The following GYS2 variants were observed in gnomAD, a reference collection of about 807,000 sequenced individuals.
GYS2 encodes glycogen synthase 2.
A neutral mutation model predicts 85.6 loss-of-function variants in GYS2; 80 were observed. The observed-to-expected ratio is 0.93, with a 90% CI of 0.78 to 1.13. The LOEUF (loss-of-function observed/expected upper bound fraction) is 1.13. GYS2 is among the 50% of genes most tolerant of loss of function. The pLI is 0.00. For synonymous variants in GYS2, 328 were observed against 300.7 expected (o/e 1.09, Z -0.94); for missense variants, 881 against 854.9 (o/e 1.03, Z -0.38).
downstream of GYS2, among the ~76,000 whole-genome samples, chr12:21,536,017 T>G (rs184300169): frequency 6.6e-6 from 1 of 152,176 alleles, no homozygotes; most frequent in East Asian, 1.9e-4. Context: ...TTTAAAAAGA[T>G]AGCTTCTCTA....
Position 21,552,331 on chromosome 12 carries a change from T to C in GYS2, c.1423-5861A>G, listed in dbSNP as rs962907984. 2.6e-5 allele frequency among the ~76,000 whole-genome samples: 4 copies of C among 152,358 alleles called. No homozygotes were observed. The South Asian group carries it at 8.3e-4, about 32-fold the overall frequency. ...GGCTTTCCTCACCACACTACGTAGC[T>C]AAGGCAAAATGATAAATAAATTCAA... On this transcript the variant is annotated intron_variant, in intron 11 of 15. Transcript: ENST00000261195.
At chr12:21,578,184 C>CTT (rs1944467780) in intron 2 of GYS2, among the ~76,000 whole-genome samples, 1 of 152,126 alleles carries the variant, frequency 6.6e-6, no homozygotes, top group African/African-American at 2.4e-5. Flanking sequence ...TCTTTCTCCC[C>CTT]TTTAAGACCT....
At position 21,574,345 on chromosome 12, in the gene GYS2, A is replaced by C; in HGVS notation, c.496-19T>G. On this transcript the variant is annotated intron_variant, in intron 3 of 15. Coordinates refer to ENST00000261195, the MANE Select transcript of GYS2 (RefSeq NM_021957.4). ...CTGTCACCTACATTAGGAAAAAAAAAGCATTCAGAAAAGTTGTTGATGAAG... is the reference window on the plus strand; with the variant it reads ...CTGTCACCTACATTAGGAAAAAAAACGCATTCAGAAAAGTTGTTGATGAAG... 1.2e-6 allele frequency: 2 copies of C among 1,602,350 alleles called. No individual in the cohort carries two copies. The highest frequency in any genetic ancestry group is 1.7e-6 in the Non-Finnish European group (2 of 1,169,462).
chr12:21,575,495 G>A (rs533479350), intron 3 of GYS2, among the ~76,000 whole-genome samples: 1 of 152,040 alleles, frequency 6.6e-6, no homozygotes, highest in South Asian at 2.1e-4. Flanking sequence ...TGTACATCAG[G>A]ATCACCTGGA....
chr12:21,571,631 C>G (rs545664713), intron 4 of GYS2, among the ~76,000 whole-genome samples: 44 of 152,236 alleles, frequency 2.9e-4, no homozygotes, highest in Admixed American at 1.6e-3. Context: ...CCAAACGGCA[C>G]TGTCCTCAGA....
In GYS2 at chr12:21,604,599, T is replaced by C. The variant is rs188755678; in HGVS notation, c.-7A>G. 1.9e-6 allele frequency: 3 copies of C among 1,612,292 alleles called. No individual in the cohort carries two copies. Among genetic ancestry groups the C allele is most frequent in the Non-Finnish European group, 2.5e-6 (3 of 1,178,738 alleles). ...GGGATCGGCCTCGAAGCATTCTTCT[T>C]ACAGTCCTCCGAGACTCCTTTGAAT... On this transcript the variant is annotated 5_prime_UTR_variant, in exon 1 of 16. Transcript: ENST00000261195.
At chr12:21,542,010 G>A (rs566423979) in intron 13 of GYS2, among the ~76,000 whole-genome samples, 39 of 151,872 alleles carry the variant, frequency 2.6e-4, no homozygotes, top group Admixed American at 1.9e-3. Flanking sequence ...CTCCAGCTGC[G>A]TCCATGTTGC....
At chr12:21,582,576 TATAGAG>T (rs879917400) in intron 1 of GYS2, among the ~76,000 whole-genome samples, 19 of 146,272 alleles carry the variant, frequency 1.3e-4, no homozygotes, top group Non-Finnish European at 2.9e-4. Flanking sequence ...TAGATATAGA[TATAGAG>T]ATAGATATAG....
At chr12:21,589,571 G>C (rs1241072246) in intron 1 of GYS2, among the ~76,000 whole-genome samples, 1 of 152,152 alleles carries the variant, frequency 6.6e-6, no homozygotes, top group African/African-American at 2.4e-5. Context: ...GTGACAGGAA[G>C]CATCTAAGGC....
chr12:21,547,249 T>C (rs1043515388), intron 11 of GYS2, among the ~76,000 whole-genome samples: 5 of 152,122 alleles, frequency 3.3e-5, no homozygotes, highest in Non-Finnish European at 5.9e-5. Flanking sequence ...ATACTTAAAT[T>C]TGTTGTAATT....
intron 5 of GYS2, among the ~76,000 whole-genome samples, chr12:21,564,505 C>A (rs1023104508): frequency 4.6e-5 from 7 of 151,942 alleles, no homozygotes; most frequent in Admixed American, 3.9e-4. Flanking sequence ...TCAATCCAGG[C>A]TTTTTGGTCA....
intron 6 of GYS2, 71 bp from the exon 7 acceptor site, chr12:21,563,109 T>C: frequency 2.3e-6 from 3 of 1,277,444 alleles, no homozygotes; most frequent in Non-Finnish European, 3.4e-6. Flanking sequence ...ACATGAATTC[T>C]GTTAATGTAC....
At chr12:21,557,448 T>G (rs1273247244) in intron 11 of GYS2, among the ~76,000 whole-genome samples, 1 of 152,146 alleles carries the variant, frequency 6.6e-6, no homozygotes, top group South Asian at 2.1e-4. Flanking sequence ...TATAGAAAAT[T>G]TTATAAAAAC....
chr12:21,550,762 G>A (rs1021148614), intron 11 of GYS2, among the ~76,000 whole-genome samples: 2 of 152,104 alleles, frequency 1.3e-5, no homozygotes, highest in Admixed American at 6.6e-5. Context: ...CCAACATGAT[G>A]AAACCCCATC....
intron 1 of GYS2, among the ~76,000 whole-genome samples, chr12:21,596,349 A>G (rs1230838917): frequency 6.6e-6 from 1 of 152,026 alleles, no homozygotes; most frequent in Non-Finnish European, 1.5e-5. Flanking sequence ...TAAAATCCTT[A>G]ACAAAATACT....
Position 21,576,031 on chromosome 12 carries a change from T to C in GYS2, c.330A>G (p.Glu110=). Residue 110 remains glutamate (E), a synonymous_variant, in exon 3 of 16, where the codon GAA becomes GAG. Transcript: ENST00000261195. ...CAAAAAGTACCACATAAGGACTTCC[T>C]TCTATCAGCCATCTTCCAAAATGCA... The part of the protein sequence containing the change: ...CQVHFGRWLI[E]GSPYVVLFDI... 6.2e-7 allele frequency: 1 copy of C among 1,613,492 alleles called. No homozygotes were observed. Among genetic ancestry groups the C allele is most frequent in the Non-Finnish European group, 8.5e-7 (1 of 1,179,788 alleles).
intron 1 of GYS2, among the ~76,000 whole-genome samples, chr12:21,580,950 T>C (rs1163861624): frequency 2.0e-5 from 3 of 152,182 alleles, no homozygotes; most frequent in African/African-American, 7.2e-5. Context: ...TCTCCTACAG[T>C]GGTCCAGAAG....
chr12:21,559,572 TAA>T, intron 9 of GYS2, 77 bp downstream of exon 9: 1 of 820,666 alleles, frequency 1.2e-6, no homozygotes, highest in Middle Eastern at 2.4e-4. Context: ...ACAAAATTAA[TAA>T]GTTATGATGT....
At chr12:21,535,041 G>A (rs1943898059), downstream of GYS2, 1 of 152,206 alleles carries the variant, frequency 6.6e-6, no homozygotes, top group African/African-American at 2.4e-5. Context: ...GGAGTCACCT[G>A]GCAGCAGCTG....
Sources: gnomAD v4.1 joint callset for allele counts (sites outside exome capture counted in the v4.1 genomes callset) on GRCh38, gnomAD v4.1.1 for gene constraint, MANE v1.5 for transcripts, NCBI Gene and HGNC (gene_info 2026-07-23, HGNC 2026-07-21) for gene names.